GNG2: variants seen among roughly 807,000 people sequenced by gnomAD.
GNG2 encodes guanine nucleotide-binding protein G(I)/G(S)/G(O) subunit gamma-2.
Under a neutral mutation model 5.5 loss-of-function variants are expected in GNG2, and 5 were observed. The ratio of observed to expected loss-of-function variants is 0.91; its 90% confidence interval spans 0.48 to 1.92. The LOEUF is 1.92. GNG2 is among the 30% of genes most tolerant of loss of function. The pLI is 0.01. For synonymous variants in GNG2, 28 were observed against 32.0 expected, an observed-to-expected ratio of 0.88 and a Z score of 0.42; for missense variants, 55 against 88.4, an observed-to-expected ratio of 0.62 and a Z score of 1.52.
intron 3 of GNG2, among the ~76,000 whole-genome samples, chr14:51,963,574 GTTTCC>G (rs1297164656): frequency 6.6e-6 from 1 of 152,178 alleles, no homozygotes; most frequent in Non-Finnish European, 1.5e-5. Flanking sequence ...TAAACAGGCT[GTTTCC>G]TTTCATTTTG....
At chr14:51,931,560 T>C (rs1170253237) in intron 2 of GNG2, among the ~76,000 whole-genome samples, 2 of 151,670 alleles carry the variant, frequency 1.3e-5, no homozygotes, top group Non-Finnish European at 2.9e-5. Context: ...CTGAGGTGGG[T>C]GAGTGTCAAC....
At chr14:51,859,484 C>T (rs1177501150), upstream of GNG2, among the ~76,000 whole-genome samples, 7 of 152,310 alleles carry the variant, frequency 4.6e-5, no homozygotes, top group Admixed American at 3.3e-4. Flanking sequence ...GCCCAACATC[C>T]TCTAAAAATA....
intron 2 of GNG2, among the ~76,000 whole-genome samples, chr14:51,895,399 C>G (rs962603780): frequency 1.3e-5 from 2 of 152,102 alleles, no homozygotes; most frequent in African/African-American, 4.8e-5. Flanking sequence ...GACAATATTT[C>G]CAGAATTCAT....
intron 2 of GNG2, among the ~76,000 whole-genome samples, chr14:51,912,394 A>C (rs1886350690): frequency 6.6e-6 from 1 of 152,058 alleles, no homozygotes; most frequent in Non-Finnish European, 1.5e-5. Context: ...CAGCCTAAAT[A>C]CTGAATGTGT....
At chr14:51,958,614 G>C (rs1163493885) in intron 3 of GNG2, among the ~76,000 whole-genome samples, 1 of 151,966 alleles carries the variant, frequency 6.6e-6, no homozygotes, top group African/African-American at 2.4e-5. Flanking sequence ...CCTTATCCTT[G>C]TTTGGTCACT....
chr14:51,947,663 GATA>G (rs1888717753), intron 2 of GNG2, among the ~76,000 whole-genome samples: 1 of 152,116 alleles, frequency 6.6e-6, no homozygotes, highest in East Asian at 1.9e-4. Context: ...AGAATTATAA[GATA>G]ATAAATTTCT....
chr14:51,827,827 G>A, intron 2 of GNG2: 3 of 673,836 alleles, frequency 4.5e-6, no homozygotes, highest in Non-Finnish European at 8.0e-6. Context: ...AACAAATGGT[G>A]ATGGAAGGAT....
intron 2 of GNG2, among the ~76,000 whole-genome samples, chr14:51,891,921 A>C (rs1246356962): frequency 6.6e-6 from 1 of 152,160 alleles, no homozygotes; most frequent in Admixed American, 6.6e-5. Flanking sequence ...CACATTCAGG[A>C]GTTTTTCTAG....
At chr14:51,881,701 CTTTTT>C (rs58544362) in intron 2 of GNG2, among the ~76,000 whole-genome samples, 8 of 104,222 alleles carry the variant, frequency 7.7e-5, no homozygotes, top group Non-Finnish European at 1.3e-4. Context: ...AGCTGGAAGA[CTTTTT>C]TTTTTTTTTT....
At chr14:51,855,815 C>G (rs1223625036), upstream of GNG2, among the ~76,000 whole-genome samples, 1 of 151,874 alleles carries the variant, frequency 6.6e-6, no homozygotes, top group Non-Finnish European at 1.5e-5. Context: ...GAGAGAGAGA[C>G]TGACCAACAG....
upstream of GNG2, among the ~76,000 whole-genome samples, chr14:51,860,007 T>G (rs1279772066): frequency 6.6e-6 from 1 of 152,054 alleles, no homozygotes; most frequent in African/African-American, 2.4e-5. Context: ...TCTGAGCATG[T>G]GGGTTAAGTA....
chr14:51,901,288 C>A (rs1409060245), intron 2 of GNG2, among the ~76,000 whole-genome samples: 1 of 152,068 alleles, frequency 6.6e-6, no homozygotes, highest in South Asian at 2.1e-4. Flanking sequence ...CAGGCTCAAG[C>A]AATCCTCCCA....
At chr14:51,927,696 G>A (rs1005812867) in intron 2 of GNG2, among the ~76,000 whole-genome samples, 12 of 152,284 alleles carry the variant, frequency 7.9e-5, no homozygotes, top group African/African-American at 2.2e-4. Flanking sequence ...GCCTGAAATC[G>A]TTTGATGACA....
intron 1 of GNG2, among the ~76,000 whole-genome samples, chr14:51,866,637 T>C (rs184325090): frequency 6.6e-6 from 1 of 152,334 alleles, no homozygotes; most frequent in Admixed American, 6.5e-5. Flanking sequence ...ATTTGATGTC[T>C]GGCAAAGGCC....
intron 2 of GNG2, among the ~76,000 whole-genome samples, chr14:51,898,059 T>C (rs1885318301): frequency 6.6e-6 from 1 of 152,278 alleles, no homozygotes; most frequent in East Asian, 1.9e-4. Flanking sequence ...TTTCCATCTA[T>C]GGCCTGGGCT....
At chr14:51,936,717 A>AT (rs1888031123) in intron 2 of GNG2, among the ~76,000 whole-genome samples, 3 of 151,548 alleles carry the variant, frequency 2.0e-5, no homozygotes, top group East Asian at 3.9e-4. Flanking sequence ...TGCCTGGCTA[A>AT]TTTTTTTTGT....
intron 2 of GNG2, among the ~76,000 whole-genome samples, chr14:51,879,176 A>G (rs1314906657): frequency 1.3e-5 from 2 of 152,234 alleles, no homozygotes; most frequent in Admixed American, 6.5e-5. Context: ...TTTCCTTCAT[A>G]CAAAATCAGT....
chr14:51,901,964 A>T (rs899288243), intron 2 of GNG2, among the ~76,000 whole-genome samples: 4 of 902 alleles, frequency 4.4e-3, no homozygotes, highest in Non-Finnish European at 0.016. Flanking sequence ...AACAATCTGT[A>T]AAAAAAAAAA....
In GNG2 at chr14:51,966,228, A is replaced by C. The variant is rs1326946890; in HGVS notation, c.88-331A>C. 1.6e-4 allele frequency among the ~76,000 whole-genome samples: 24 copies of C among 149,486 alleles called. 1 individual carries two copies. Among genetic ancestry groups the C allele is most frequent in the Admixed American group, 1.5e-3 (22 of 14,940 alleles). ...GCATCTCAAAAAAAAAAAAAAAAAA[A>C]AAAAAAAAACAAATGAAGGAGACAG... On this transcript the variant is annotated intron_variant, in intron 3 of 3. Coordinates refer to ENST00000556766, the MANE Select transcript of GNG2 (RefSeq NM_053064.5).
Sources: gnomAD v4.1 joint callset for allele counts (sites outside exome capture counted in the v4.1 genomes callset) on GRCh38, gnomAD v4.1.1 for gene constraint, MANE v1.5 for transcripts, NCBI Gene and HGNC (gene_info 2026-07-23, HGNC 2026-07-21) for gene names.